Variants in KDM4C observed in about 807,000 individuals in gnomAD.
KDM4C encodes the protein lysine-specific demethylase 4C.
Under a neutral mutation model 129.3 loss-of-function variants are expected in KDM4C, and 81 were observed. That is an observed-to-expected ratio of 0.63 (90% CI 0.52 to 0.75). KDM4C has a LOEUF of 0.75. KDM4C is among the 30% of genes least tolerant of loss of function. The pLI is 0.00. For missense variants in KDM4C, 1,457 were observed against 1,304.0 expected (o/e 1.12, Z -1.81); for synonymous variants, 573 against 456.1 (o/e 1.26, Z -3.26).
At chr9:7,137,602 C>T (rs1841343831) in intron 19 of KDM4C, among the ~76,000 whole-genome samples, 1 of 152,182 alleles carries the variant, frequency 6.6e-6, no homozygotes, top group Non-Finnish European at 1.5e-5. Flanking sequence ...ATGCATGTTT[C>T]AGAAATGTCT....
At chr9:6,727,042 T>G (rs1817155037) in intron 1 of KDM4C, 1 of 152,194 alleles carries the variant, frequency 6.6e-6, no homozygotes, top group African/African-American at 2.4e-5. Context: ...GCCCGATTCT[T>G]TATATTTGTA....
chr9:6,857,897 G>A (rs1025355355), intron 5 of KDM4C, among the ~76,000 whole-genome samples: 2 of 149,130 alleles, frequency 1.3e-5, no homozygotes, highest in Admixed American at 6.7e-5. Context: ...TAGGACTACA[G>A]GTGCATGTTA....
Position 6,986,381 on chromosome 9 carries a change from A to C in KDM4C, c.1392A>C (p.Ile464=). ...TAAGTACATCTGTAACAGAAGACAT[A>C]AAAACTGAGGATGACAAAGCTTATG... ...SCLSTSVTED[I]KTEDDKAYAY... is the part of the protein sequence containing the mutation. The change falls in exon 11 of 22, where the codon ATA becomes ATC. Residue 464 remains isoleucine (I), a synonymous_variant. Coordinates refer to ENST00000381309, the MANE Select transcript of KDM4C (RefSeq NM_015061.6). 6.2e-7 allele frequency: 1 copy of C among 1,613,454 alleles called. No homozygotes were observed. Among genetic ancestry groups the C allele is most frequent in the Non-Finnish European group, 8.5e-7 (1 of 1,179,472 alleles).
chr9:6,837,530 T>C (rs1836103808), intron 4 of KDM4C, among the ~76,000 whole-genome samples: 1 of 152,244 alleles, frequency 6.6e-6, no homozygotes, highest in African/African-American at 2.4e-5. Context: ...GCTTAATATC[T>C]TACTACTTGA....
At position 7,013,327 on chromosome 9, in the gene KDM4C, T is replaced by C. The variant is rs181082636; in HGVS notation, c.1969-461T>C. Reference sequence around the variant, plus strand: ...GTGACATGTGCCAGTTCTCTCTCACTTGCTTTCAAATACTGCAAGTGATGA... The same window carrying C: ...GTGACATGTGCCAGTTCTCTCTCACCTGCTTTCAAATACTGCAAGTGATGA... On this transcript the variant is annotated intron_variant, in intron 13 of 21. Transcript: ENST00000381309. Among the ~76,000 whole-genome samples the C allele has an allele frequency of 2.2e-4, 34 of 152,364 alleles. No homozygotes were observed. The East Asian group carries it at 6.4e-3, about 29-fold the overall frequency.
intron 18 of KDM4C, among the ~76,000 whole-genome samples, chr9:7,121,376 T>G (rs1400544789): frequency 6.6e-6 from 1 of 152,154 alleles, no homozygotes; most frequent in African/African-American, 2.4e-5. Context: ...TCTGAGGTTC[T>G]TAGAGAGAAA....
At chr9:6,767,456 A>T (rs1441223317) in intron 1 of KDM4C, among the ~76,000 whole-genome samples, 1 of 147,288 alleles carries the variant, frequency 6.8e-6, no homozygotes. Context: ...TTTTTTTGAG[A>T]CGGTGTCTTG....
intron 15 of KDM4C, among the ~76,000 whole-genome samples, chr9:7,035,208 T>A (rs1827421179): frequency 6.7e-6 from 1 of 149,512 alleles, no homozygotes; most frequent in Admixed American, 6.7e-5. Context: ...GAGATGAGGT[T>A]TTGCCATGTT....
Position 6,746,593 on chromosome 9 carries a change from G to A in KDM4C, c.49+25596G>A, listed in dbSNP as rs182333297. ...CCATTTTGTATTTTAAAACAGAAAA[G>A]TTTAGGCCAAGTGTGGTGCCTCACG... is the stretch of plus-strand genomic sequence containing the variant. On this transcript the variant is annotated intron_variant, in intron 1 of 17. Transcript: ENST00000536108. Among the ~76,000 whole-genome samples, 402 of 151,086 alleles carry A rather than the reference G, an allele frequency of 2.7e-3. 1 individual carries two copies. Among genetic ancestry groups the A allele is most frequent in the African/African-American group, 9.4e-3 (387 of 41,312 alleles).
At chr9:7,049,275 A>G in intron 17 of KDM4C, 75 bp downstream of exon 17, 1 of 712,128 alleles carries the variant, frequency 1.4e-6, no homozygotes, top group Non-Finnish European at 2.4e-6. Context: ...ATTAATGCAC[A>G]CATTCCCAAG....
At chr9:7,087,923 A>T (rs1319204706) in intron 17 of KDM4C, among the ~76,000 whole-genome samples, 1 of 152,234 alleles carries the variant, frequency 6.6e-6, no homozygotes, top group Non-Finnish European at 1.5e-5. Flanking sequence ...ATCTACATCC[A>T]GTTTATGGAG....
intron 5 of KDM4C, among the ~76,000 whole-genome samples, chr9:6,872,168 C>A (rs529965065): frequency 1.3e-5 from 2 of 152,160 alleles, no homozygotes; most frequent in South Asian, 4.2e-4. Context: ...TTGTGGAGGT[C>A]TTGAAAGCCA....
At chr9:6,837,337 G>C (rs148380860) in intron 4 of KDM4C, among the ~76,000 whole-genome samples, 2 of 152,286 alleles carry the variant, frequency 1.3e-5, no homozygotes, top group South Asian at 4.1e-4. Flanking sequence ...GATTACAGGC[G>C]TGTGCTACTC....
At chr9:7,155,287 A>G (rs947490366) in intron 19 of KDM4C, among the ~76,000 whole-genome samples, 4 of 152,166 alleles carry the variant, frequency 2.6e-5, no homozygotes, top group Admixed American at 2.6e-4. Flanking sequence ...AAGTTGTTGC[A>G]TTTCATAAAT....
chr9:7,049,319 A>G (rs1829835573), intron 17 of KDM4C, 119 bp downstream of exon 17: 4 of 505,898 alleles, frequency 7.9e-6, no homozygotes, highest in Non-Finnish European at 1.1e-5. Context: ...TTATTTTTCT[A>G]CCCTTATTTT....
At chr9:6,749,802 C>CA (rs1472314922) in intron 1 of KDM4C, among the ~76,000 whole-genome samples, 1 of 148,810 alleles carries the variant, frequency 6.7e-6, no homozygotes, top group Non-Finnish European at 1.5e-5. Flanking sequence ...GCCTGACCAA[C>CA]ATGGTGAAAC....
At chr9:6,868,802 T>C (rs1842433713) in intron 5 of KDM4C, among the ~76,000 whole-genome samples, 1 of 152,140 alleles carries the variant, frequency 6.6e-6, no homozygotes, top group South Asian at 2.1e-4. Context: ...ATGTATTATA[T>C]GTTGAGTATT....
At chr9:6,994,233 G>T (rs1043540455) in intron 12 of KDM4C, among the ~76,000 whole-genome samples, 3 of 151,910 alleles carry the variant, frequency 2.0e-5, no homozygotes, top group African/African-American at 7.3e-5. Flanking sequence ...TGTGTGGCCT[G>T]TTTACTAACA....
Position 7,171,938 on chromosome 9 carries a change from CA to C in KDM4C, c.2994+2051del, listed in dbSNP as rs374729015. Reference sequence around the variant, plus strand: ...GCCAAGTAGAAAATATCTTAGGGAACAAAGGCTCACGGTCACTAAGTCCTGT... The same window carrying C: ...GCCAAGTAGAAAATATCTTAGGGAACAAGGCTCACGGTCACTAAGTCCTGT... On this transcript the variant is annotated intron_variant, in intron 21 of 21. Coordinates refer to ENST00000381309, the MANE Select transcript of KDM4C (RefSeq NM_015061.6). Among the ~76,000 whole-genome samples, 189 of 152,254 alleles carry C rather than the reference CA, an allele frequency of 1.2e-3. 1 individual carries two copies. Among genetic ancestry groups the C allele is most frequent in the African/African-American group, 4.2e-3 (175 of 41,544 alleles).
Sources: allele counts gnomAD v4.1 joint callset (sites outside exome capture counted in the v4.1 genomes callset), GRCh38; gene constraint gnomAD v4.1.1; transcripts MANE v1.5; gene names NCBI Gene and HGNC (gene_info 2026-07-23, HGNC 2026-07-21).